Variants in IGF2BP3 observed in about 807,000 individuals in gnomAD.
The protein encoded by IGF2BP3 is insulin-like growth factor 2 mRNA-binding protein 3.
Under a neutral mutation model 73.8 loss-of-function variants are expected in IGF2BP3, and 9 were observed. The observed-to-expected ratio is 0.12, with a 90% CI of 0.07 to 0.21. The LOEUF (loss-of-function observed/expected upper bound fraction) is 0.21. IGF2BP3 is among the 10% of genes least tolerant of loss of function. The pLI is 1.00. For missense variants in IGF2BP3, 542 were observed against 714.0 expected, an observed-to-expected ratio of 0.76 and a Z score of 2.75; for synonymous variants, 258 against 256.7, an observed-to-expected ratio of 1.01 and a Z score of -0.05.
In IGF2BP3 at chr7:23,345,989, T is replaced by G; in HGVS notation, c.892A>C (p.Asn298His). 1 of 1,613,736 alleles carries G rather than the reference T, an allele frequency of 6.2e-7. No individual in the cohort carries two copies. The highest frequency in any genetic ancestry group is 8.5e-7 in the Non-Finnish European group (1 of 1,179,996). ...VGRLIGKEGR[N>H]LKKIEQDTDT... ...GTGTCTTGCTCAATTTTTTTAAGAT[T>G]TCTTCCTTCTTTACCAATAAGACGT... The change falls in exon 8 of 15, where the codon AAT becomes CAT. Residue 298 changes from asparagine to histidine, a missense_variant. Physicochemically the swap from Asn to His is moderately conservative, Grantham distance 68 (BLOSUM62 1). Around this residue, in one of 2 missense-constraint regions of IGF2BP3, gnomAD observed 303 missense variants for 472.1 expected, o/e 0.64. Coordinates refer to ENST00000258729, the MANE Select transcript of IGF2BP3 (RefSeq NM_006547.3).
At chr7:23,339,282 A>C (rs1350865094) in intron 10 of IGF2BP3, among the ~76,000 whole-genome samples, 1 of 152,234 alleles carries the variant, frequency 6.6e-6, no homozygotes, top group Non-Finnish European at 1.5e-5. Context: ...CCCATTCTTA[A>C]AACAAAACTG....
chr7:23,393,336 T>C (rs947102138), intron 3 of IGF2BP3, among the ~76,000 whole-genome samples: 2 of 152,294 alleles, frequency 1.3e-5, no homozygotes, highest in Non-Finnish European at 2.9e-5. Context: ...TATTAATAAC[T>C]AAAAGCTAGT....
At chr7:23,326,346 A>G (rs1784295375) in intron 10 of IGF2BP3, among the ~76,000 whole-genome samples, 2 of 152,210 alleles carry the variant, frequency 1.3e-5, no homozygotes, top group African/African-American at 4.8e-5. Context: ...TCAGAGAAAT[A>G]CAAAGCAAAA....
At chr7:23,382,473 T>A (rs1446132660) in intron 3 of IGF2BP3, among the ~76,000 whole-genome samples, 2 of 152,126 alleles carry the variant, frequency 1.3e-5, no homozygotes. Context: ...TAACATATTT[T>A]ATAGACAGAA....
intron 10 of IGF2BP3, among the ~76,000 whole-genome samples, chr7:23,334,991 T>C (rs751993607): frequency 6.6e-6 from 1 of 151,110 alleles, no homozygotes; most frequent in Non-Finnish European, 1.5e-5. Context: ...TTTGTTGTTG[T>C]TTTTAAATGG....
At chr7:23,446,280 C>T (rs1211200709) in intron 2 of IGF2BP3, among the ~76,000 whole-genome samples, 1 of 152,076 alleles carries the variant, frequency 6.6e-6, no homozygotes, top group Non-Finnish European at 1.5e-5. Context: ...TGTAGATGCC[C>T]AGTGTGGTGG....
chr7:23,407,205 G>C (rs933618627), intron 3 of IGF2BP3, among the ~76,000 whole-genome samples: 1 of 139,240 alleles, frequency 7.2e-6, no homozygotes, highest in African/African-American at 2.7e-5. Context: ...AAGAAAAAAA[G>C]AAACAACTTG....
chr7:23,367,898 G>C (rs985461189), intron 3 of IGF2BP3, among the ~76,000 whole-genome samples: 1 of 152,118 alleles, frequency 6.6e-6, no homozygotes, highest in Non-Finnish European at 1.5e-5. Context: ...CTACTCGGGA[G>C]GCTGAGGCAG....
At chr7:23,337,760 C>T (rs191470885) in intron 10 of IGF2BP3, among the ~76,000 whole-genome samples, 4 of 152,312 alleles carry the variant, frequency 2.6e-5, no homozygotes, top group Non-Finnish European at 5.9e-5. Context: ...GACTGAAATT[C>T]CTGGGCTCAA....
At chr7:23,399,905 G>A (rs1480920306) in intron 3 of IGF2BP3, among the ~76,000 whole-genome samples, 2 of 152,090 alleles carry the variant, frequency 1.3e-5, no homozygotes, top group Non-Finnish European at 2.9e-5. Flanking sequence ...AAATTCCTAA[G>A]AAAGGAATCA....
intron 2 of IGF2BP3, among the ~76,000 whole-genome samples, chr7:23,437,788 T>C (rs1168273799): frequency 6.6e-6 from 1 of 152,236 alleles, no homozygotes; most frequent in African/African-American, 2.4e-5. Context: ...TGACTCCTTA[T>C]GGGTAAAGCC....
intron 10 of IGF2BP3, among the ~76,000 whole-genome samples, chr7:23,326,466 G>C (rs1300029976): frequency 1.3e-5 from 2 of 151,496 alleles, no homozygotes; most frequent in African/African-American, 4.9e-5. Flanking sequence ...TACACTGTTG[G>C]TGGGACTGTA....
intron 2 of IGF2BP3, among the ~76,000 whole-genome samples, chr7:23,433,486 A>G (rs1031828075): frequency 2.1e-5 from 3 of 142,908 alleles, no homozygotes; most frequent in African/African-American, 5.1e-5. Context: ...ATAATAACTA[A>G]TTTTTTTTTT....
At chr7:23,313,430 AAATT>A in intron 13 of IGF2BP3, 88 bp downstream of exon 13, 1 of 1,434,474 alleles carries the variant, frequency 7.0e-7, no homozygotes, top group Non-Finnish European at 9.4e-7. Context: ...TGCTTTTTAT[AAATT>A]AGCCAAAATT....
chr7:23,386,414 C>A (rs187100849), intron 3 of IGF2BP3, among the ~76,000 whole-genome samples: 4 of 152,230 alleles, frequency 2.6e-5, no homozygotes, highest in African/African-American at 7.2e-5. Context: ...AAAGAAAAAA[C>A]CAATCGCAAC....
chr7:23,335,511 A>G (rs762512335), intron 10 of IGF2BP3, among the ~76,000 whole-genome samples: 11 of 151,396 alleles, frequency 7.3e-5, no homozygotes, highest in Non-Finnish European at 1.3e-4. Flanking sequence ...GCCTGATCTC[A>G]AGCAATCCTC....
chr7:23,377,051 A>G (rs1486736405), intron 3 of IGF2BP3, among the ~76,000 whole-genome samples: 1 of 152,216 alleles, frequency 6.6e-6, no homozygotes, highest in Admixed American at 6.5e-5. Context: ...CATAGAACAG[A>G]AAAAACATCC....
Position 23,313,446 on chromosome 7 carries a change from G to A in IGF2BP3, c.1527+76C>T, listed in dbSNP as rs1227043128. ...GCTTTTTATAAATTAGCCAAAATTC[G>A]GGGACTTGGAACTCCTAAGTACCTT... On this transcript the variant is annotated intron_variant, in intron 13 of 14. Transcript: ENST00000258729. The A allele has an allele frequency of 2.6e-5, 39 of 1,495,636 alleles. No homozygotes were observed. The Admixed American group carries it at 3.5e-4, about 13-fold the overall frequency. 92.6% of individuals were successfully genotyped at this position (1,495,636 alleles called of 1,614,324 possible).
At chr7:23,363,947 A>G (rs1453646204) in intron 3 of IGF2BP3, among the ~76,000 whole-genome samples, 1 of 152,256 alleles carries the variant, frequency 6.6e-6, no homozygotes, top group Non-Finnish European at 1.5e-5. Context: ...CTTAAATTAA[A>G]AACAAGGGTG....
Sources: gnomAD v4.1 joint callset for allele counts (sites outside exome capture counted in the v4.1 genomes callset) on GRCh38, gnomAD v4.1.1 for gene constraint, gnomAD v4.1.1 regional missense constraint, MANE v1.5 for transcripts, NCBI Gene and HGNC (gene_info 2026-07-23, HGNC 2026-07-21) for gene names.